FLVCR1: variants seen among roughly 807,000 people sequenced by gnomAD.
FLVCR1 encodes the protein FLVCR choline and heme transporter 1, also known as choline/ethanolamine transporter FLVCR1.
FLVCR1 carries 34 observed loss-of-function variants against 53.6 expected under a neutral mutation model. The observed-to-expected ratio is 0.63, with a 90% CI of 0.48 to 0.84. FLVCR1 has a LOEUF of 0.84. Among genes scored for constraint, FLVCR1 ranks in the 40% least tolerant of loss-of-function variants. The probability of loss-of-function intolerance (pLI) is 0.00; values close to 1 mark genes in which losing one functional copy is unlikely to be tolerated. For missense variants in FLVCR1, 677 were observed against 696.7 expected, an observed-to-expected ratio of 0.97 and a Z score of 0.32; for synonymous variants, 300 against 286.3, an observed-to-expected ratio of 1.05 and a Z score of -0.48.
intron 3 of FLVCR1, among the ~76,000 whole-genome samples, chr1:212,875,278 A>G (rs1664722391): frequency 1.3e-5 from 2 of 152,248 alleles, no homozygotes; most frequent in South Asian, 4.1e-4. Context: ...ATTTATCAAA[A>G]GGATAACAAC....
In FLVCR1 at chr1:212,895,876, T is replaced by A; in HGVS notation, c.*586T>A. On this transcript the variant is annotated 3_prime_UTR_variant, in exon 10 of 10. Transcript: ENST00000366971. ...GATGACCTCTAAGATTTTTCCCATTTATTGTACTCTTGTTACAAAGTACTT... is the reference window on the plus strand; with the variant it reads ...GATGACCTCTAAGATTTTTCCCATTAATTGTACTCTTGTTACAAAGTACTT... 6.4e-6 allele frequency: 1 copy of A among 155,266 alleles called. No individual in the cohort carries two copies. The highest frequency in any genetic ancestry group is 1.9e-4 in the East Asian group (1 of 5,264). The allele number at this position is 155,266 out of a possible 1,614,324, so 9.6% of individuals were successfully genotyped here.
intron 1 of FLVCR1, among the ~76,000 whole-genome samples, chr1:212,862,418 A>G (rs534333135): frequency 5.9e-5 from 9 of 152,218 alleles, no homozygotes; most frequent in East Asian, 3.9e-4. Context: ...TATAAATGGA[A>G]TCATACAGTA....
Position 212,888,016 on chromosome 1 carries a change from T to G in FLVCR1, c.1307+15T>G. On this transcript the variant is annotated intron_variant, in intron 6 of 9. Coordinates refer to ENST00000366971, the MANE Select transcript of FLVCR1 (RefSeq NM_014053.4). ...GGGGTGCTTGGGTAAGTATCAGATG[T>G]GTTTAGGAGGAATGATAGCATGCTG... 1.5e-6 allele frequency: 2 copies of G among 1,371,168 alleles called. No individual in the cohort carries two copies. Among genetic ancestry groups the G allele is most frequent in the Non-Finnish European group, 1.0e-6 (1 of 958,492 alleles). The allele number at this position is 1,371,168 out of a possible 1,614,324, so 84.9% of individuals were successfully genotyped here. A position where few individuals can be genotyped will look rare whatever the true frequency, so the allele number is the denominator to read the frequency against.
intron 2 of FLVCR1, among the ~76,000 whole-genome samples, chr1:212,866,107 C>T (rs1407532577): frequency 1.3e-5 from 2 of 151,804 alleles, no homozygotes; most frequent in East Asian, 3.9e-4. Flanking sequence ...GCCTCAGCCT[C>T]CCAAGTAGCT....
chr1:212,883,919 C>G (rs545126628), intron 4 of FLVCR1, among the ~76,000 whole-genome samples: 2 of 150,626 alleles, frequency 1.3e-5, no homozygotes, highest in African/African-American at 4.9e-5. Context: ...TGACACCATT[C>G]TATGTGGTCT....
rs1202021798 is a variant in FLVCR1, at chr1:212,885,108, T to C, written c.1093-185T>C. ...TTAGGCTTTTTTTCTGGTTTTAAAA[T>C]ATAATGCTTTTATATATTCTTTACC... On this transcript the variant is annotated intron_variant, in intron 4 of 9. Transcript: ENST00000366971. Among the ~76,000 whole-genome samples, 3 of 152,242 alleles carry C rather than the reference T, an allele frequency of 2.0e-5. No homozygotes were observed. In the East Asian group the frequency reaches 5.8e-4, roughly 29 times the overall value.
intron 1 of FLVCR1, 102 bp from the exon 2 acceptor site, chr1:212,863,623 A>C: frequency 9.8e-7 from 1 of 1,019,542 alleles, no homozygotes; most frequent in Non-Finnish European, 1.5e-6. Flanking sequence ...TTTTCAAAGC[A>C]CCTTTATAAA....
chr1:212,891,163 C>T (rs1665180988), intron 8 of FLVCR1, among the ~76,000 whole-genome samples: 1 of 152,080 alleles, frequency 6.6e-6, no homozygotes, highest in Non-Finnish European at 1.5e-5. Flanking sequence ...ATTCCTAGCA[C>T]TTTGGGAGGC....
chr1:212,872,632 T>C, intron 2 of FLVCR1, 46 bp from the exon 3 acceptor site: 1 of 1,234,090 alleles, frequency 8.1e-7, no homozygotes, highest in South Asian at 1.3e-5. Flanking sequence ...AACAACATAT[T>C]GTATATATAT....
At chr1:212,861,304 T>G (rs1404364709) in intron 1 of FLVCR1, among the ~76,000 whole-genome samples, 1 of 152,256 alleles carries the variant, frequency 6.6e-6, no homozygotes, top group Non-Finnish European at 1.5e-5. Flanking sequence ...ATTTCTTCAC[T>G]TGACTAACTC....
intron 2 of FLVCR1, among the ~76,000 whole-genome samples, chr1:212,868,289 G>T (rs535132668): frequency 6.6e-6 from 1 of 152,280 alleles, no homozygotes; most frequent in Admixed American, 6.5e-5. Context: ...TGTAGACAGG[G>T]TTTCACCATG....
chr1:212,860,852 T>C (rs1664218922), intron 1 of FLVCR1, among the ~76,000 whole-genome samples: 1 of 152,178 alleles, frequency 6.6e-6, no homozygotes, highest in Non-Finnish European at 1.5e-5. Flanking sequence ...GGATATCTCA[T>C]GGGAACACAC....
At chr1:212,893,117 G>A (rs1006618121) in intron 8 of FLVCR1, among the ~76,000 whole-genome samples, 81 of 151,470 alleles carry the variant, frequency 5.3e-4, no homozygotes, top group African/African-American at 1.8e-3. Context: ...GTGCAGTGGC[G>A]TGATCTCGGC....
intron 8 of FLVCR1, among the ~76,000 whole-genome samples, chr1:212,894,060 G>A (rs1665271540): frequency 1.3e-5 from 2 of 151,084 alleles, no homozygotes; most frequent in African/African-American, 4.9e-5. Flanking sequence ...ACAGGCATGA[G>A]CCACTGAGCC....
In FLVCR1 at chr1:212,895,202, G is replaced by A; in HGVS notation, c.1594-14G>A. ...AGATGCTATACATTTTTAATCTTCTGATTGTTTTTATAGATACCAGCTGAC... is the reference window on the plus strand; with the variant it reads ...AGATGCTATACATTTTTAATCTTCTAATTGTTTTTATAGATACCAGCTGAC... On this transcript the variant is annotated splice_polypyrimidine_tract_variant and intron_variant, in intron 9 of 9. Coordinates refer to ENST00000366971, the MANE Select transcript of FLVCR1 (RefSeq NM_014053.4). The A allele has an allele frequency of 6.3e-7, 1 of 1,598,510 alleles. No individual in the cohort carries two copies.
rs1664987756 is a variant in FLVCR1, at chr1:212,883,853, T to C, written c.1092+415T>C. Among the ~76,000 whole-genome samples the C allele has an allele frequency of 2.1e-5, 3 of 144,322 alleles. No homozygotes were observed. The South Asian group carries it at 6.7e-4, about 32-fold the overall frequency. The allele number at this position is 144,322 out of a possible 152,430, so 94.7% of individuals were successfully genotyped here. A position where few individuals can be genotyped will look rare whatever the true frequency, so the allele number is the denominator to read the frequency against. On this transcript the variant is annotated intron_variant, in intron 4 of 9. Coordinates refer to ENST00000366971, the MANE Select transcript of FLVCR1 (RefSeq NM_014053.4). Reference sequence around the variant, plus strand: ...CTATGAATCTCCTTTTTTTTTTTTTTTTGGAAAAGTGGCCCATTTTAAAGT... The same window carrying C: ...CTATGAATCTCCTTTTTTTTTTTTTCTTGGAAAAGTGGCCCATTTTAAAGT...
chr1:212,886,300 C>T (rs1227514639), intron 5 of FLVCR1, among the ~76,000 whole-genome samples: 2 of 152,024 alleles, frequency 1.3e-5, no homozygotes, highest in Admixed American at 6.6e-5. Flanking sequence ...ACCTCAGCCT[C>T]CCAAAGTGCT....
intron 2 of FLVCR1, among the ~76,000 whole-genome samples, chr1:212,867,425 T>G (rs75763374): frequency 0.015 from 2,223 of 152,292 alleles, 60 homozygotes; most frequent in African/African-American, 0.051. Context: ...ATTCCCATTT[T>G]ATAGACAAGG....
At chr1:212,883,261 G>A in intron 3 of FLVCR1, 110 bp from the exon 4 acceptor site, 1 of 693,476 alleles carries the variant, frequency 1.4e-6, no homozygotes, top group East Asian at 2.7e-5. Flanking sequence ...TTCCACAATT[G>A]TCACATAATA....
Sources: gnomAD v4.1 joint callset for allele counts (sites outside exome capture counted in the v4.1 genomes callset) on GRCh38, gnomAD v4.1.1 for gene constraint, MANE v1.5 for transcripts, NCBI Gene and HGNC (gene_info 2026-07-23, HGNC 2026-07-21) for gene names.